The following PCDHGA4 variants were observed in gnomAD, a reference collection of about 807,000 sequenced individuals.
PCDHGA4 encodes the protein protocadherin gamma subfamily A, 4.
PCDHGA4 carries 38 observed loss-of-function variants against 54.6 expected under a neutral mutation model. The observed-to-expected ratio is 0.70, with a 90% CI of 0.54 to 0.91. The LOEUF (loss-of-function observed/expected upper bound fraction) is 0.91. PCDHGA4 is among the 40% of genes least tolerant of loss of function. PCDHGA4 has a pLI of 0.00. For synonymous variants in PCDHGA4, 511 were observed against 512.9 expected, an observed-to-expected ratio of 1.00 and a Z score of 0.05; for missense variants, 1,298 against 1,220.9, an observed-to-expected ratio of 1.06 and a Z score of -0.94.
intron 1 of PCDHGA4, among the ~76,000 whole-genome samples, chr5:141,481,886 C>T (rs575190135): frequency 6.9e-6 from 1 of 145,360 alleles, no homozygotes; most frequent in South Asian, 2.2e-4. Context: ...TGCACTCCAG[C>T]CTGGGTGAAA....
rs1001912556 is a variant in PCDHGA4, at chr5:141,493,404, CTCTGCTGGGATTTTGCT to C, written c.2515-1391_2515-1375del. Among the ~76,000 whole-genome samples, 10 of 152,266 alleles carry C rather than the reference CTCTGCTGGGATTTTGCT, an allele frequency of 6.6e-5. No individual in the cohort carries two copies. Among genetic ancestry groups the C allele is most frequent in the Admixed American group, 6.5e-4 (10 of 15,298 alleles). On this transcript the variant is annotated intron_variant, in intron 1 of 3. Coordinates refer to ENST00000571252, the MANE Select transcript of PCDHGA4 (RefSeq NM_018917.4). The surrounding 1 kb of genome is among the most constrained non-coding windows in gnomAD (Gnocchi z 4.3). ...CTTGAGGACAGGAGAGGGGAGTTGCCTCTGCTGGGATTTTGCTTCTGCTGGGATGGGGCAAGGGTGGG... is the reference window on the plus strand; with the variant it reads ...CTTGAGGACAGGAGAGGGGAGTTGCCTCTGCTGGGATGGGGCAAGGGTGGG...
intron 1 of PCDHGA4, among the ~76,000 whole-genome samples, chr5:141,400,911 CAAAG>C (rs1162228499): frequency 6.6e-6 from 1 of 152,176 alleles, no homozygotes; most frequent in Non-Finnish European, 1.5e-5. Flanking sequence ...TCTTTTAAAG[CAAAG>C]AAACTGCTAG....
intron 1 of PCDHGA4, chr5:141,365,322 C>T (rs1344591303): frequency 6.2e-7 from 1 of 1,613,958 alleles, no homozygotes; most frequent in South Asian, 1.1e-5. Flanking sequence ...GTTGCCAGCG[C>T]TAAGGTGGTG....
At chr5:141,358,349 G>A (rs1182827672) in intron 1 of PCDHGA4, among the ~76,000 whole-genome samples, 3 of 152,164 alleles carry the variant, frequency 2.0e-5, no homozygotes, top group African/African-American at 7.2e-5. Context: ...TGGACTGAGG[G>A]TTTTTTAATT....
At position 141,424,020 on chromosome 5, in the gene PCDHGA4, C is replaced by A. The variant is rs1326303938; in HGVS notation, c.2514+66399C>A. ...TATATAGATACAAATTAATGATTCA[C>A]AAACACTTTTTATTTCCATTTCAAT... On this transcript the variant is annotated intron_variant, in intron 1 of 3. Coordinates refer to ENST00000571252, the MANE Select transcript of PCDHGA4 (RefSeq NM_018917.4). 3 of 1,050,122 alleles carry A rather than the reference C, an allele frequency of 2.9e-6. No individual in the cohort carries two copies. In the East Asian group the frequency reaches 2.2e-4, roughly 77 times the overall value. The allele number at this position is 1,050,122 out of a possible 1,614,324, so 65.1% of individuals were successfully genotyped here. A position where few individuals can be genotyped will look rare whatever the true frequency, so the allele number is the denominator to read the frequency against.
At position 141,486,481 on chromosome 5, in the gene PCDHGA4, T is replaced by C. The variant is rs1562112794; in HGVS notation, c.2515-8326T>C. 1 of 1,614,036 alleles carries C rather than the reference T, an allele frequency of 6.2e-7. No individual in the cohort carries two copies. The highest frequency in any genetic ancestry group is 8.5e-7 in the Non-Finnish European group (1 of 1,179,976). Reference sequence around the variant, plus strand: ...CTGATGCTGGGAACCCTCCTCTCAGTACCCACAGAACTATTTTCCTCAATA... The same window carrying C: ...CTGATGCTGGGAACCCTCCTCTCAGCACCCACAGAACTATTTTCCTCAATA... On this transcript the variant is annotated intron_variant, in intron 1 of 3. Coordinates refer to ENST00000571252, the MANE Select transcript of PCDHGA4 (RefSeq NM_018917.4). This position sits in a 1 kb window ranked among gnomAD's most constrained non-coding sequence, Gnocchi z 5.0.
chr5:141,383,002 G>T lies in PCDHGA4; in HGVS notation c.2514+25381G>T, dbSNP rs376825891. On this transcript the variant is annotated intron_variant, in intron 1 of 3. Coordinates refer to ENST00000571252, the MANE Select transcript of PCDHGA4 (RefSeq NM_018917.4). ...CTGGGCAGGACGTATTCTCTACTCC[G>T]TGTCGGAGGAGACGGACAAAGGGTC... The T allele has an allele frequency of 1.2e-6, 2 of 1,613,650 alleles. No individual in the cohort carries two copies. Among genetic ancestry groups the T allele is most frequent in the African/African-American group, 1.3e-5 (1 of 74,948 alleles).
chr5:141,474,499 C>T (rs1480109147), intron 1 of PCDHGA4, among the ~76,000 whole-genome samples: 1 of 152,198 alleles, frequency 6.6e-6, no homozygotes, highest in Non-Finnish European at 1.5e-5. Context: ...TCTTCTAATG[C>T]CTATCAGCCC....
At chr5:141,500,185 TTTA>T (rs549090582) in intron 2 of PCDHGA4, among the ~76,000 whole-genome samples, 1 of 55,104 alleles carries the variant, frequency 1.8e-5, no homozygotes, top group Non-Finnish European at 3.2e-5. Flanking sequence ...CATTTTTATT[TTTA>T]TTTATTTATT....
intron 1 of PCDHGA4, chr5:141,398,588 T>C: frequency 1.9e-6 from 3 of 1,614,010 alleles, no homozygotes; most frequent in African/African-American, 1.3e-5. Flanking sequence ...AGATTTATAC[T>C]AGAAGTAGCA....
chr5:141,377,580 A>G (rs1350053157), intron 1 of PCDHGA4: 1 of 151,568 alleles, frequency 6.6e-6, no homozygotes, highest in African/African-American at 2.4e-5. Context: ...TGGGAGACAG[A>G]ATGAGACTTT....
intron 3 of PCDHGA4, 46 bp from the exon 4 acceptor site, chr5:141,510,901 A>G: frequency 1.9e-6 from 3 of 1,613,412 alleles, no homozygotes; most frequent in African/African-American, 2.7e-5. Flanking sequence ...GTGACTGTTG[A>G]GGACCCTAAG....
intron 1 of PCDHGA4, chr5:141,424,482 T>C (rs779975685): frequency 1.3e-5 from 2 of 152,216 alleles, no homozygotes; most frequent in Non-Finnish European, 2.9e-5. Context: ...TACTTTGGTG[T>C]CTGTGTTTGT....
At chr5:141,386,456 G>T (rs2090582697) in intron 1 of PCDHGA4, among the ~76,000 whole-genome samples, 1 of 152,278 alleles carries the variant, frequency 6.6e-6, no homozygotes, top group East Asian at 1.9e-4. Flanking sequence ...CAAGAGGACA[G>T]CTTGAACCCA....
intron 3 of PCDHGA4, among the ~76,000 whole-genome samples, chr5:141,506,564 G>A (rs984395438): frequency 5.3e-5 from 8 of 152,016 alleles, no homozygotes; most frequent in East Asian, 1.9e-4. Context: ...AAACCCCCTC[G>A]GTTTCACTTA....
At chr5:141,405,002 C>G in intron 1 of PCDHGA4, 2 of 1,613,988 alleles carry the variant, frequency 1.2e-6, no homozygotes, top group Non-Finnish European at 1.7e-6. Context: ...CCCTGCAGAC[C>G]TGGAGGCCTC....
chr5:141,410,110 C>T, intron 1 of PCDHGA4: 4 of 1,612,540 alleles, frequency 2.5e-6, no homozygotes, highest in Non-Finnish European at 3.4e-6. Flanking sequence ...GCGACAGGGA[C>T]GCAGCCCGCC....
intron 1 of PCDHGA4, chr5:141,423,007 G>A: frequency 6.2e-7 from 1 of 1,614,242 alleles, no homozygotes; most frequent in Non-Finnish European, 8.5e-7. Flanking sequence ...CAAGGTGGTT[G>A]CGGTGGACAA....
intron 1 of PCDHGA4, 79 bp from the exon 2 acceptor site, chr5:141,494,728 C>T (rs2099756337): frequency 1.2e-6 from 2 of 1,609,984 alleles, no homozygotes; most frequent in Admixed American, 3.3e-5. Context: ...TCCTTCTCTC[C>T]CGGCCCATCC....
Sources: gnomAD v4.1 joint callset for allele counts (sites outside exome capture counted in the v4.1 genomes callset) on GRCh38, gnomAD v4.1.1 for gene constraint, Gnocchi (gnomAD v3.1) non-coding constraint, MANE v1.5 for transcripts, NCBI Gene and HGNC (gene_info 2026-07-23, HGNC 2026-07-21) for gene names.